The following PAX6 variants were observed in gnomAD, a reference collection of about 807,000 sequenced individuals.
PAX6 encodes paired box protein Pax-6.
PAX6 carries 7 observed loss-of-function variants against 60.7 expected under a neutral mutation model. The ratio of observed to expected loss-of-function variants is 0.12; its 90% CI spans 0.07 to 0.22. The LOEUF (loss-of-function observed/expected upper bound fraction) is 0.22, where lower values mean the gene tolerates loss of function less well. Among genes scored for constraint, PAX6 ranks in the 10% least tolerant of loss-of-function variants. The pLI is 1.00. For synonymous variants in PAX6, 208 were observed against 201.2 expected, an observed-to-expected ratio of 1.03 and a Z score of -0.29; for missense variants, 355 against 555.2, an observed-to-expected ratio of 0.64 and a Z score of 3.62.
At chr11:31,801,322 G>T in intron 7 of PAX6, 1 of 1,428,334 alleles carries the variant, frequency 7.0e-7, no homozygotes, top group Non-Finnish European at 9.1e-7. Flanking sequence ...TGGTGCCTCC[G>T]CCCTCTGTTT....
rs150996091 is a variant in PAX6 at position 31,801,247 on chromosome 11, C to A, written c.399+314G>T. 787 of 1,370,204 alleles carry A rather than the reference C, an allele frequency of 5.7e-4. 9 individuals are homozygous for A. The African/African-American group carries it at 0.01, about 18-fold the overall frequency. 84.9% of individuals were successfully genotyped at this position (1,370,204 alleles called of 1,614,324 possible). A position where few individuals can be genotyped will look rare whatever the true frequency, so the allele number is the denominator to read the frequency against. ...TGTGACACCTGAAGGAAAGTTCTGG[C>A]AGGTGGATTAGGACGAAGTTACAAT... On this transcript the variant is annotated intron_variant, in intron 7 of 13. Coordinates refer to ENST00000640368, the MANE Select transcript of PAX6 (RefSeq NM_001368894.2).
chr11:31,800,619 G>A (rs1215459337), intron 8 of PAX6, 72 bp downstream of exon 8: 1 of 1,555,222 alleles, frequency 6.4e-7, no homozygotes, highest in Non-Finnish European at 8.8e-7. Flanking sequence ...GAGAGGAAAT[G>A]GTTGGGAGAG....
intron 2 of PAX6, among the ~76,000 whole-genome samples, chr11:31,809,586 T>C (rs768394048): frequency 5.3e-5 from 8 of 152,202 alleles, no homozygotes; most frequent in African/African-American, 9.7e-5. Flanking sequence ...AGGGCTATTA[T>C]GGCGCAGGGA....
In PAX6 at chr11:31,801,864, A is replaced by G; in HGVS notation, c.183+7T>C. The G allele has an allele frequency of 6.2e-7, 1 of 1,614,150 alleles. No homozygotes were observed. Among genetic ancestry groups the G allele is most frequent in the South Asian group, 1.1e-5 (1 of 91,076 alleles). ...TTTAAGTATGCATTAAACAATGACA[A>G]GCTTACGTTTTGATTGTCCAGCACT... is the stretch of plus-strand genomic sequence containing the variant. On this transcript the variant is annotated splice_region_variant and intron_variant, in intron 6 of 13. Transcript: ENST00000640368.
intron 4 of PAX6, chr11:31,805,006 C>G (rs1280663499): frequency 1.3e-5 from 2 of 152,292 alleles, no homozygotes; most frequent in African/African-American, 2.4e-5. Context: ...CTAGGGACTG[C>G]TGGCGCTCTC....
At chr11:31,811,571 G>A, upstream of PAX6, 2 of 212,456 alleles carry the variant, frequency 9.4e-6, no homozygotes, top group Non-Finnish European at 1.9e-5. Flanking sequence ...GGCGCGGCCC[G>A]CCCTGCTGCC....
chr11:31,816,701 G>A, intron 1 of PAX6: 2 of 545,832 alleles, frequency 3.7e-6, no homozygotes, highest in South Asian at 1.6e-5. Flanking sequence ...GGTGAGCAGG[G>A]GGCGCCACCG....
rs1750133749 is a variant in PAX6 at position 31,810,952 on chromosome 11, T to A, written c.-253A>T. The A allele has an allele frequency of 2.5e-6, 1 of 399,040 alleles. No homozygotes were observed. Among genetic ancestry groups the A allele is most frequent in the South Asian group, 1.3e-4 (1 of 7,856 alleles). 24.7% of individuals were successfully genotyped at this position (399,040 alleles called of 1,614,324 possible). A position where few individuals can be genotyped will look rare whatever the true frequency, so the allele number is the denominator to read the frequency against. On this transcript the variant is annotated 5_prime_UTR_variant, in exon 2 of 14. Transcript: ENST00000640368. ...TTGAAATGACGGTGTTTTAAAGGAG[T>A]TGCTGGTGAGAGTTTTCTCCACGGA...
chr11:31,794,245 G>C, intron 9 of PAX6, 131 bp from the exon 10 acceptor site: 1 of 773,030 alleles, frequency 1.3e-6, no homozygotes, highest in Non-Finnish European at 2.4e-6. Context: ...AATGCTTCTA[G>C]TGTTGACTGT....
intron 7 of PAX6, 39 bp downstream of exon 7, chr11:31,801,522 G>T: frequency 1.2e-6 from 2 of 1,613,706 alleles, no homozygotes; most frequent in South Asian, 1.1e-5. Flanking sequence ...AGAGCATTGG[G>T]CTTAGGGCAG....
At position 31,810,275 on chromosome 11, in the gene PAX6, G is replaced by C. The variant is rs146440661; in HGVS notation, c.-129+553C>G. 8 of 152,334 alleles carry C rather than the reference G, an allele frequency of 5.3e-5. No homozygotes were observed. The East Asian group carries it at 1.2e-3, about 22-fold the overall frequency. 9.4% of individuals were successfully genotyped at this position (152,334 alleles called of 1,614,324 possible). ...ACTCTTCTGCGCCGGAGCCCAGTGC[G>C]GCACAAAGCCCGAGGGCCGGCGGGC... On this transcript the variant is annotated intron_variant, in intron 2 of 13. Transcript: ENST00000640368.
chr11:31,793,955 C>A, intron 10 of PAX6, 77 bp downstream of exon 10: 1 of 1,250,386 alleles, frequency 8.0e-7, no homozygotes, highest in South Asian at 1.2e-5. Flanking sequence ...AAATAGTACT[C>A]TGTACAAGCA....
In PAX6 at chr11:31,793,523, C is replaced by A; in HGVS notation, c.989G>T (p.Gly330Val). Residue 330 changes from glycine to valine, a missense_variant, in exon 12 of 14, where the codon GGC becomes GTC. By Grantham distance (109) the Gly-to-Val change is moderately radical. Coordinates refer to ENST00000640368, the MANE Select transcript of PAX6 (RefSeq NM_001368894.2). ...VSSFTSGSMLGRTDTALTNTY... is the reference protein window; with the variant it reads ...VSSFTSGSMLVRTDTALTNTY... ...GTTTGTGAGGGCTGTGTCTGTTCGG[C>A]CCAACATGGAGCCAGATGTGAAGGA... The A allele has an allele frequency of 6.2e-7, 1 of 1,614,146 alleles. No individual in the cohort carries two copies.
At chr11:31,794,957 G>A (rs1476099545) in intron 8 of PAX6, among the ~76,000 whole-genome samples, 169 bp from the exon 9 acceptor site, 1 of 152,196 alleles carries the variant, frequency 6.6e-6, no homozygotes, top group Non-Finnish European at 1.5e-5. Flanking sequence ...TGCGATGTTA[G>A]TTACCTGACC....
chr11:31,810,779 G>A, intron 2 of PAX6, 49 bp downstream of exon 2: 1 of 398,996 alleles, frequency 2.5e-6, no homozygotes, highest in South Asian at 1.3e-4. Context: ...GGGGAGACCT[G>A]TCTGAATATT....
In PAX6 at chr11:31,810,948, G is replaced by A. The variant is rs1374530619; in HGVS notation, c.-249C>T. On this transcript the variant is annotated 5_prime_UTR_variant, in exon 2 of 14. Coordinates refer to ENST00000640368, the MANE Select transcript of PAX6 (RefSeq NM_001368894.2). ...TGGTTTGAAATGACGGTGTTTTAAA[G>A]GAGTTGCTGGTGAGAGTTTTCTCCA... 5.0e-6 allele frequency: 2 copies of A among 399,148 alleles called. No individual in the cohort carries two copies. The highest frequency in any genetic ancestry group is 8.8e-6 in the Non-Finnish European group (2 of 226,118). The allele number at this position is 399,148 out of a possible 1,614,324, so 24.7% of individuals were successfully genotyped here.
upstream of PAX6, chr11:31,816,279 T>G: frequency 2.7e-6 from 1 of 372,040 alleles, no homozygotes; most frequent in Non-Finnish European, 4.8e-6. Context: ...GAAATCTGAA[T>G]AGTAATTCCA....
chr11:31,817,121 C>T (rs961702033), intron 1 of PAX6, among the ~76,000 whole-genome samples: 16 of 152,274 alleles, frequency 1.1e-4, no homozygotes, highest in African/African-American at 3.9e-4. Context: ...AGGCAGCCAG[C>T]GCAGCGCCCG....
At chr11:31,793,886 G>T in intron 10 of PAX6, 84 bp from the exon 11 acceptor site, 2 of 1,487,888 alleles carry the variant, frequency 1.3e-6, no homozygotes, top group East Asian at 2.3e-5. Flanking sequence ...CCCTCCCCAC[G>T]CCCATGGCAG....
Sources: allele counts gnomAD v4.1 joint callset (sites outside exome capture counted in the v4.1 genomes callset), GRCh38; gene constraint gnomAD v4.1.1; transcripts MANE v1.5; gene names NCBI Gene and HGNC (gene_info 2026-07-23, HGNC 2026-07-21).